The following NLRC5 variants were observed in gnomAD, a reference collection of about 807,000 sequenced individuals.
The protein encoded by NLRC5 is protein NLRC5.
NLRC5 carries 114 observed loss-of-function variants against 206.9 expected under a neutral mutation model. That is an observed-to-expected ratio of 0.55 (90% CI 0.47 to 0.64). The LOEUF (loss-of-function observed/expected upper bound fraction) is 0.64, where lower values mean the gene tolerates loss of function less well. Among genes scored for constraint, NLRC5 ranks in the 30% least tolerant of loss-of-function variants. NLRC5 has a pLI of 0.00. For missense variants in NLRC5, 2,008 were observed against 2,305.5 expected, an observed-to-expected ratio of 0.87 and a Z score of 2.64; for synonymous variants, 952 against 962.8, an observed-to-expected ratio of 0.99 and a Z score of 0.21.
chr16:57,035,353 T>C (rs1336591372), intron 13 of NLRC5, among the ~76,000 whole-genome samples: 2 of 152,074 alleles, frequency 1.3e-5, no homozygotes, highest in Admixed American at 1.3e-4. Context: ...GTAGATCACT[T>C]TTCACTGATG....
intron 1 of NLRC5, among the ~76,000 whole-genome samples, chr16:56,991,629 G>A (rs866335615): frequency 4.7e-5 from 7 of 147,990 alleles, no homozygotes; most frequent in Non-Finnish European, 7.4e-5. Context: ...TGATCCACCC[G>A]CCTCGGCCTC....
At chr16:57,051,452 A>G in intron 23 of NLRC5, 86 bp from the exon 24 acceptor site, 2 of 961,558 alleles carry the variant, frequency 2.1e-6, no homozygotes, top group Non-Finnish European at 1.7e-6. Context: ...GTTAGGTCCC[A>G]TCTCCAGAAG....
At chr16:57,037,994 G>A (rs994476637) in intron 15 of NLRC5, among the ~76,000 whole-genome samples, 2 of 152,150 alleles carry the variant, frequency 1.3e-5, no homozygotes, top group Non-Finnish European at 1.5e-5. Flanking sequence ...AGGGTCCCTA[G>A]TGCATTCCAA....
At position 57,040,815 on chromosome 16, in the gene NLRC5, C is replaced by T. The variant is rs1284092525; in HGVS notation, c.2939+97C>T. 32 of 1,167,638 alleles carry T rather than the reference C, an allele frequency of 2.7e-5. No homozygotes were observed. In the Middle Eastern group the frequency reaches 1.5e-3, roughly 54 times the overall value. 72.3% of individuals were successfully genotyped at this position (1,167,638 alleles called of 1,614,324 possible). Reference sequence around the variant, plus strand: ...AACCTGTGCCCAGGCCCCACATGCTCCCTGAAGGACACCTGACCTGCTGTG... The same window carrying T: ...AACCTGTGCCCAGGCCCCACATGCTTCCTGAAGGACACCTGACCTGCTGTG... On this transcript the variant is annotated intron_variant, in intron 17 of 48. Transcript: ENST00000688547.
At chr16:57,070,741 T>G in intron 38 of NLRC5, 123 bp downstream of exon 38, 1 of 743,968 alleles carries the variant, frequency 1.3e-6, no homozygotes, top group Non-Finnish European at 2.3e-6. Context: ...GGTTGGTTAA[T>G]GGGGAATGGG....
intron 23 of NLRC5, among the ~76,000 whole-genome samples, chr16:57,048,619 T>C (rs1468700957): frequency 6.6e-6 from 1 of 152,126 alleles, no homozygotes; most frequent in African/African-American, 2.4e-5. Flanking sequence ...CTGCCACCTC[T>C]GCCTCCTGGG....
intron 1 of NLRC5, among the ~76,000 whole-genome samples, chr16:57,010,499 G>A (rs1266368748): frequency 1.3e-5 from 2 of 152,074 alleles, no homozygotes; most frequent in African/African-American, 2.4e-5. Flanking sequence ...ACAGCCTCCC[G>A]ATTAGCTGGG....
intron 15 of NLRC5, among the ~76,000 whole-genome samples, 191 bp from the exon 16 acceptor site, chr16:57,039,590 G>A (rs2063027110): frequency 6.6e-6 from 1 of 151,794 alleles, no homozygotes; most frequent in African/African-American, 2.4e-5. Flanking sequence ...GATGGCACAA[G>A]CCTGTAATCC....
At chr16:57,030,234 T>C (rs929830895) in intron 10 of NLRC5, 150 bp downstream of exon 10, 1 of 634,292 alleles carries the variant, frequency 1.6e-6, no homozygotes, top group Non-Finnish European at 2.8e-6. Context: ...AGAACCTAGC[T>C]CAGGCTTGGC....
intron 20 of NLRC5, chr16:57,043,884 T>C (rs1429287299): frequency 7.4e-5 from 7 of 94,010 alleles, no homozygotes; most frequent in Non-Finnish European, 1.5e-4. Flanking sequence ...TCCTTAGAGA[T>C]TTTTTTTTTT....
At chr16:57,031,306 G>T (rs1321997216) in intron 10 of NLRC5, 98 bp from the exon 11 acceptor site, 8 of 1,293,174 alleles carry the variant, frequency 6.2e-6, no homozygotes, top group Non-Finnish European at 8.9e-6. Context: ...GCTTTATCTG[G>T]ATGTTTGAAC....
At chr16:57,077,503 G>C (rs2068545144) in intron 41 of NLRC5, 124 bp downstream of exon 41, 6 of 1,015,358 alleles carry the variant, frequency 5.9e-6, no homozygotes, top group Middle Eastern at 3.0e-4. Flanking sequence ...TCCAGGCAGT[G>C]GGGCTCGGTG....
intron 30 of NLRC5, among the ~76,000 whole-genome samples, chr16:57,060,082 C>T (rs1405818315): frequency 6.6e-6 from 1 of 150,754 alleles, no homozygotes; most frequent in Non-Finnish European, 1.5e-5. Context: ...CCTGGTAGCC[C>T]TGACTCACTG....
Position 57,026,860 on chromosome 16 carries a change from G to T in NLRC5, c.1917G>T (p.Leu639=), listed in dbSNP as rs944980305. 6.2e-7 allele frequency: 1 copy of T among 1,614,200 alleles called. No homozygotes were observed. Among genetic ancestry groups the T allele is most frequent in the Non-Finnish European group, 8.5e-7 (1 of 1,180,026 alleles). The change falls in exon 6 of 49, where the codon CTG becomes CTT. Residue 639 remains leucine (L), a synonymous_variant. Transcript: ENST00000688547. ...CCGCACAAAGCCTCCCCTATCAACTGCCCTTCCACAATTTCCCACTGACCT... is the reference window on the plus strand; with the variant it reads ...CCGCACAAAGCCTCCCCTATCAACTTCCCTTCCACAATTTCCCACTGACCT... ...SLTAQSLPYQ[L]PFHNFPLTCT...
rs1305293498 is a variant in NLRC5 at position 57,077,738 on chromosome 16, A to G, written c.4939A>G (p.Ser1647Gly). Reference sequence around the variant, plus strand: ...CCACAGCCTCTCAGGGAATAGCATCAGCTCAGCCGGGGGAGTGCAGTTGGC... The same window carrying G: ...CCACAGCCTCTCAGGGAATAGCATCGGCTCAGCCGGGGGAGTGCAGTTGGC... The part of the protein sequence containing the change: ...RKIDLSGNSI[S>G]SAGGVQLAES... The change falls in exon 42 of 49, where the codon AGC becomes GGC. Residue 1647 changes from serine (S) to glycine (G), a missense_variant. Transcript: ENST00000688547. 1.3e-6 allele frequency: 2 copies of G among 1,596,278 alleles called. No individual in the cohort carries two copies. Among genetic ancestry groups the G allele is most frequent in the Non-Finnish European group, 1.7e-6 (2 of 1,170,194 alleles).
At chr16:57,072,566 A>T (rs2067906292) in intron 38 of NLRC5, among the ~76,000 whole-genome samples, 1 of 152,208 alleles carries the variant, frequency 6.6e-6, no homozygotes, top group Non-Finnish European at 1.5e-5. Context: ...ATTTGAAGTC[A>T]TCAAATTCTT....
At chr16:57,040,250 C>T (rs571848334) in intron 16 of NLRC5, among the ~76,000 whole-genome samples, 12 of 152,312 alleles carry the variant, frequency 7.9e-5, no homozygotes, top group Admixed American at 5.2e-4. Context: ...CCCAGCCTAG[C>T]GCATGGGTAG....
chr16:57,069,718 C>A, intron 36 of NLRC5, 118 bp from the exon 37 acceptor site: 1 of 763,670 alleles, frequency 1.3e-6, no homozygotes, highest in Non-Finnish European at 2.3e-6. Context: ...GGAAGGAGGT[C>A]TCCTCACATT....
chr16:57,079,776 T>C, intron 46 of NLRC5, 147 bp downstream of exon 46: 1 of 624,790 alleles, frequency 1.6e-6, no homozygotes, highest in Non-Finnish European at 2.9e-6. Flanking sequence ...AAGATCATCC[T>C]TACTCAGACA....
Sources: gnomAD v4.1 joint callset for allele counts (sites outside exome capture counted in the v4.1 genomes callset) on GRCh38, gnomAD v4.1.1 for gene constraint, MANE v1.5 for transcripts, NCBI Gene and HGNC (gene_info 2026-07-23, HGNC 2026-07-21) for gene names.